KCNH8: variants seen among roughly 807,000 people sequenced by gnomAD.
KCNH8 encodes the protein voltage-gated delayed rectifier potassium channel KCNH8.
KCNH8 carries 70 observed loss-of-function variants against 103.6 expected under a neutral mutation model. The ratio of observed to expected loss-of-function variants is 0.68; its 90% CI spans 0.56 to 0.82. KCNH8 has a LOEUF of 0.82. KCNH8 is among the 40% of genes least tolerant of loss of function. The pLI is 0.00. For missense variants in KCNH8, 1,217 were observed against 1,329.9 expected, an observed-to-expected ratio of 0.92 and a Z score of 1.32; for synonymous variants, 498 against 489.4, an observed-to-expected ratio of 1.02 and a Z score of -0.23.
chr3:19,236,093 A>T (rs147988007), intron 1 of KCNH8, among the ~76,000 whole-genome samples: 1 of 152,178 alleles, frequency 6.6e-6, no homozygotes, highest in African/African-American at 2.4e-5. Context: ...TTAGACCTTT[A>T]AATAGTATAT....
At chr3:19,324,114 C>T (rs1179722674) in intron 3 of KCNH8, among the ~76,000 whole-genome samples, 1 of 152,004 alleles carries the variant, frequency 6.6e-6, no homozygotes, top group Non-Finnish European at 1.5e-5. Flanking sequence ...AGAGAAAGGC[C>T]ATCCAATGGG....
Position 19,169,767 on chromosome 3 carries a change from C to T in KCNH8, c.76+20972C>T, listed in dbSNP as rs1399130982. 3.9e-5 allele frequency among the ~76,000 whole-genome samples: 6 copies of T among 152,120 alleles called. No individual in the cohort carries two copies. In the South Asian group the frequency reaches 1.0e-3, roughly 26 times the overall value. ...GTTTTATAACAAAGATAACCTAGCACGTAATTGTCCCTCAATAAATGGATA... is the reference window on the plus strand; with the variant it reads ...GTTTTATAACAAAGATAACCTAGCATGTAATTGTCCCTCAATAAATGGATA... On this transcript the variant is annotated intron_variant, in intron 1 of 15. Coordinates refer to ENST00000328405, the MANE Select transcript of KCNH8 (RefSeq NM_144633.3).
chr3:19,428,439 G>A (rs146584969), intron 7 of KCNH8, among the ~76,000 whole-genome samples: 1,934 of 152,094 alleles, frequency 0.013, 23 homozygotes, highest in Middle Eastern at 0.037. Flanking sequence ...TTCTACTTAC[G>A]GAACTGGGAT....
chr3:19,525,284 G>A (rs1304923540), intron 15 of KCNH8, among the ~76,000 whole-genome samples: 1 of 151,866 alleles, frequency 6.6e-6, no homozygotes, highest in Non-Finnish European at 1.5e-5. Context: ...TGAACTAGCA[G>A]CACTGGCATC....
At chr3:19,450,492 A>G (rs926549863) in intron 9 of KCNH8, 187 bp downstream of exon 9, 6 of 595,372 alleles carry the variant, frequency 1.0e-5, no homozygotes, top group South Asian at 2.0e-5. Flanking sequence ...CACAATGCCA[A>G]TTTGGATTGA....
chr3:19,344,029 G>T (rs1177567899), intron 4 of KCNH8, among the ~76,000 whole-genome samples: 3 of 150,732 alleles, frequency 2.0e-5, no homozygotes, highest in African/African-American at 7.3e-5. Context: ...GTTTCTCTAG[G>T]GATACCTGTG....
At chr3:19,407,758 AG>A (rs889686502) in intron 7 of KCNH8, among the ~76,000 whole-genome samples, 6 of 152,128 alleles carry the variant, frequency 3.9e-5, no homozygotes, top group African/African-American at 1.4e-4. Context: ...ATCTTGGTGC[AG>A]GGGTGCTGTC....
chr3:19,335,971 T>C (rs934784230), intron 3 of KCNH8, among the ~76,000 whole-genome samples: 2 of 151,766 alleles, frequency 1.3e-5, no homozygotes, highest in African/African-American at 4.8e-5. Context: ...TCCATTTAAT[T>C]GGCCACCTTT....
At chr3:19,444,755 G>A (rs952334427) in intron 8 of KCNH8, among the ~76,000 whole-genome samples, 6 of 150,840 alleles carry the variant, frequency 4.0e-5, no homozygotes, top group African/African-American at 1.2e-4. Context: ...GGTGCTCAAT[G>A]TCATTAATCA....
chr3:19,486,938 G>A (rs751395331), intron 11 of KCNH8, among the ~76,000 whole-genome samples: 2 of 152,162 alleles, frequency 1.3e-5, no homozygotes, highest in African/African-American at 4.8e-5. Flanking sequence ...GCAGATCTGA[G>A]CTTTCTTCTT....
At chr3:19,503,866 CACGTATACATATGTAACTA>C (rs2068640010) in intron 11 of KCNH8, among the ~76,000 whole-genome samples, 1 of 151,912 alleles carries the variant, frequency 6.6e-6, no homozygotes, top group South Asian at 2.1e-4. Flanking sequence ...CAGCATGGCA[CACGTATACATATGTAACTA>C]ACCTGCACAT....
At chr3:19,262,434 T>C (rs2064449466) in intron 2 of KCNH8, among the ~76,000 whole-genome samples, 1 of 152,062 alleles carries the variant, frequency 6.6e-6, no homozygotes, top group African/African-American at 2.4e-5. Flanking sequence ...CATCTAGTTA[T>C]TTCAGAATTG....
At chr3:19,201,918 C>T (rs2063666774) in intron 1 of KCNH8, among the ~76,000 whole-genome samples, 1 of 152,178 alleles carries the variant, frequency 6.6e-6, no homozygotes, top group African/African-American at 2.4e-5. Context: ...TTAATTTCTA[C>T]TGCTCTGAAA....
At chr3:19,376,380 C>G (rs573812549) in intron 5 of KCNH8, among the ~76,000 whole-genome samples, 1 of 152,162 alleles carries the variant, frequency 6.6e-6, no homozygotes, top group Non-Finnish European at 1.5e-5. Flanking sequence ...GTCTGTCACC[C>G]CTTTCTTTGA....
At chr3:19,379,973 T>A (rs2066266980) in intron 5 of KCNH8, among the ~76,000 whole-genome samples, 1 of 152,172 alleles carries the variant, frequency 6.6e-6, no homozygotes. Flanking sequence ...CTTTCCTGAG[T>A]ATATGAGTAG....
intron 1 of KCNH8, among the ~76,000 whole-genome samples, chr3:19,160,436 C>T (rs1263399442): frequency 1.3e-5 from 2 of 152,068 alleles, no homozygotes; most frequent in African/African-American, 2.4e-5. Context: ...CATGTAACCA[C>T]CACCACAGTC....
intron 1 of KCNH8, among the ~76,000 whole-genome samples, chr3:19,212,256 A>G (rs542126412): frequency 6.6e-6 from 1 of 152,296 alleles, no homozygotes; most frequent in Admixed American, 6.5e-5. Context: ...TTAAGAGTGA[A>G]TATTCTCACC....
chr3:19,275,419 A>G (rs1479902582), intron 2 of KCNH8, among the ~76,000 whole-genome samples: 1 of 152,042 alleles, frequency 6.6e-6, no homozygotes, highest in Non-Finnish European at 1.5e-5. Flanking sequence ...CCACTGTTAC[A>G]CAGGGAGTCA....
chr3:19,524,733 G>T (rs1225185486), intron 15 of KCNH8, among the ~76,000 whole-genome samples: 1 of 151,866 alleles, frequency 6.6e-6, no homozygotes, highest in Admixed American at 6.6e-5. Context: ...TTGAATAGAA[G>T]GACTAAATGG....
Sources: gnomAD v4.1 joint callset for allele counts (sites outside exome capture counted in the v4.1 genomes callset) on GRCh38, gnomAD v4.1.1 for gene constraint, MANE v1.5 for transcripts, NCBI Gene and HGNC (gene_info 2026-07-23, HGNC 2026-07-21) for gene names.